Variants in RBMS1 observed in about 807,000 individuals in gnomAD.
RBMS1 encodes the protein RNA binding motif single stranded interacting protein 1.
RBMS1 carries 17 observed loss-of-function variants against 62.3 expected under a neutral mutation model. The observed-to-expected ratio is 0.27, with a 90% CI of 0.19 to 0.41. The LOEUF (loss-of-function observed/expected upper bound fraction) is 0.41. RBMS1 is among the 10% of genes least tolerant of loss of function. RBMS1 has a pLI of 1.00. For synonymous variants in RBMS1, 172 were observed against 170.0 expected (o/e 1.01, Z -0.09); for missense variants, 334 against 504.5 (o/e 0.66, Z 3.24).
intron 2 of RBMS1, among the ~76,000 whole-genome samples, chr2:160,338,807 A>G (rs1691713098): frequency 6.6e-6 from 1 of 152,214 alleles, no homozygotes; most frequent in African/African-American, 2.4e-5. Context: ...GTGTGCACAG[A>G]GGAGCCTCTG....
At chr2:160,438,532 C>A (rs1309319023) in intron 1 of RBMS1, among the ~76,000 whole-genome samples, 1 of 152,090 alleles carries the variant, frequency 6.6e-6, no homozygotes, top group Non-Finnish European at 1.5e-5. Context: ...TCCATTCAAC[C>A]CTGAGTGGAC....
intron 2 of RBMS1, among the ~76,000 whole-genome samples, chr2:160,337,120 TTTTC>T (rs1453902652): frequency 4.0e-5 from 6 of 150,962 alleles, no homozygotes; most frequent in Non-Finnish European, 7.4e-5. Flanking sequence ...TTCTTTTCGT[TTTTC>T]TTTTTCTTTT....
chr2:160,349,022 C>T (rs1692337616), intron 2 of RBMS1, among the ~76,000 whole-genome samples: 1 of 152,066 alleles, frequency 6.6e-6, no homozygotes, highest in Non-Finnish European at 1.5e-5. Context: ...TTTATTTCTC[C>T]TTTTTTGGAT....
intron 1 of RBMS1, among the ~76,000 whole-genome samples, chr2:160,466,805 A>G (rs1684715707): frequency 6.6e-6 from 1 of 152,238 alleles, no homozygotes; most frequent in Non-Finnish European, 1.5e-5. Context: ...GAGTGAAAAC[A>G]GTGACTTTGA....
At chr2:160,467,243 T>G (rs1574096003) in intron 1 of RBMS1, among the ~76,000 whole-genome samples, 1 of 148,886 alleles carries the variant, frequency 6.7e-6, no homozygotes, top group African/African-American at 2.5e-5. Context: ...CCAACTGCTG[T>G]GAGGAATGCA....
intron 1 of RBMS1, among the ~76,000 whole-genome samples, chr2:160,419,422 A>T (rs1414420107): frequency 1.3e-5 from 2 of 152,158 alleles, no homozygotes; most frequent in African/African-American, 2.4e-5. Context: ...TAAACTCTTT[A>T]AAAAAATTTT....
At position 160,287,234 on chromosome 2, in the gene RBMS1, A is replaced by C. The variant is rs925698074; in HGVS notation, c.641-150T>G. Reference sequence around the variant, plus strand: ...AGCAGTTTACTCAGACCTTTGTAAAACTGTCCACGATGAAAAACATAGTGC... The same window carrying C: ...AGCAGTTTACTCAGACCTTTGTAAACCTGTCCACGATGAAAAACATAGTGC... On this transcript the variant is annotated intron_variant, in intron 6 of 13. Coordinates refer to ENST00000348849, the MANE Select transcript of RBMS1 (RefSeq NM_016836.4). The C allele has an allele frequency of 3.6e-5, 34 of 932,510 alleles. No homozygotes were observed. The African/African-American group carries it at 4.8e-4, about 13-fold the overall frequency. The allele number at this position is 932,510 out of a possible 1,614,324, so 57.8% of individuals were successfully genotyped here.
intron 4 of RBMS1, among the ~76,000 whole-genome samples, chr2:160,311,929 T>G (rs1401553660): frequency 1.3e-5 from 2 of 152,194 alleles, no homozygotes; most frequent in African/African-American, 4.8e-5. Flanking sequence ...GACATAAATA[T>G]CAGTTTATTC....
intron 3 of RBMS1, among the ~76,000 whole-genome samples, chr2:160,317,360 T>C (rs909591338): frequency 1.3e-5 from 2 of 152,206 alleles, no homozygotes; most frequent in African/African-American, 4.8e-5. Flanking sequence ...CCTATTCCTG[T>C]CAACTTATTT....
intron 4 of RBMS1, among the ~76,000 whole-genome samples, chr2:160,308,192 G>A (rs1215206163): frequency 6.6e-6 from 1 of 151,992 alleles, no homozygotes; most frequent in African/African-American, 2.4e-5. Context: ...TCACGAGTGC[G>A]AGACCAGCCT....
intron 1 of RBMS1, among the ~76,000 whole-genome samples, chr2:160,396,550 CTTTTTTTTTTTTT>C (rs59600753): frequency 1.4e-4 from 11 of 77,852 alleles, no homozygotes; most frequent in Non-Finnish European, 2.3e-4. Context: ...TTCTTTTTAT[CTTTTTTTTTTTTT>C]TTTTTTTTTT....
chr2:160,378,793 ACT>A (rs371746619), intron 1 of RBMS1, among the ~76,000 whole-genome samples: 194 of 152,162 alleles, frequency 1.3e-3, no homozygotes, highest in African/African-American at 4.4e-3. Flanking sequence ...GTTACTTCAT[ACT>A]CTGTTTCTTT....
At chr2:160,425,952 A>G (rs1438523694) in intron 1 of RBMS1, among the ~76,000 whole-genome samples, 2 of 152,150 alleles carry the variant, frequency 1.3e-5, no homozygotes, top group Non-Finnish European at 1.5e-5. Flanking sequence ...AGCACTAATA[A>G]AATTGTGCAA....
At chr2:160,446,601 AGATATATACCTTTG>A (rs1683660708) in intron 1 of RBMS1, among the ~76,000 whole-genome samples, 1 of 152,204 alleles carries the variant, frequency 6.6e-6, no homozygotes, top group Non-Finnish European at 1.5e-5. Context: ...GAAGGGTCTA[AGATATATACCTTTG>A]GAAACCGTGT....
At chr2:160,293,544 T>A (rs1017360425) in intron 6 of RBMS1, among the ~76,000 whole-genome samples, 4 of 152,204 alleles carry the variant, frequency 2.6e-5, no homozygotes, top group African/African-American at 9.7e-5. Flanking sequence ...CTAACAGGCA[T>A]TCCCTGCCCT....
At chr2:160,449,150 C>T (rs1388571430) in intron 1 of RBMS1, among the ~76,000 whole-genome samples, 1 of 151,924 alleles carries the variant, frequency 6.6e-6, no homozygotes, top group Non-Finnish European at 1.5e-5. Context: ...GCCGCCCCCA[C>T]TGGGAAGTGA....
At chr2:160,407,732 C>T (rs1421731521) in intron 1 of RBMS1, 11 of 981,266 alleles carry the variant, frequency 1.1e-5, no homozygotes, top group East Asian at 2.3e-4. Context: ...CCGCACTCGC[C>T]TAAAAGTACG....
At chr2:160,427,949 C>T (rs1319092262) in intron 1 of RBMS1, among the ~76,000 whole-genome samples, 1 of 152,110 alleles carries the variant, frequency 6.6e-6, no homozygotes, top group Admixed American at 6.6e-5. Context: ...TGCAAATTCA[C>T]TTTCATTATT....
At position 160,284,358 on chromosome 2, in the gene RBMS1, G is replaced by GT. The variant is rs1688254715; in HGVS notation, c.900+416dup. The GT allele has an allele frequency of 5.5e-5, 10 of 183,248 alleles. No homozygotes were observed. In the South Asian group the frequency reaches 1.1e-3, roughly 21 times the overall value. The allele number at this position is 183,248 out of a possible 1,614,324, so 11.4% of individuals were successfully genotyped here. On this transcript the variant is annotated intron_variant, in intron 9 of 13. Transcript: ENST00000348849. ...CTACCTACTAGAGACACATCTTTAT[G>GT]TATTACCATGTTTATACTTGTTCTT... is the stretch of plus-strand genomic sequence containing the variant.
Sources: gnomAD v4.1 joint callset for allele counts (sites outside exome capture counted in the v4.1 genomes callset) on GRCh38, gnomAD v4.1.1 for gene constraint, MANE v1.5 for transcripts, NCBI Gene and HGNC (gene_info 2026-07-23, HGNC 2026-07-21) for gene names.